The following TPST2 variants were observed in gnomAD, a reference collection of about 807,000 sequenced individuals.
TPST2 encodes the protein tyrosylprotein sulfotransferase 2.
In TPST2, 16 loss-of-function variants were observed where a neutral mutation model predicts 27.8. That is an observed-to-expected ratio of 0.58 (90% CI 0.39 to 0.88). The LOEUF (loss-of-function observed/expected upper bound fraction) is 0.88, where lower values mean the gene tolerates loss of function less well. Among genes scored for constraint, TPST2 ranks in the 40% least tolerant of loss-of-function variants. TPST2 has a pLI of 0.00. For synonymous variants in TPST2, 229 were observed against 231.7 expected, an observed-to-expected ratio of 0.99 and a Z score of 0.10; for missense variants, 464 against 543.1, an observed-to-expected ratio of 0.85 and a Z score of 1.45.
chr22:26,564,338 G>A (rs1927278318), intron 1 of TPST2, among the ~76,000 whole-genome samples: 1 of 152,262 alleles, frequency 6.6e-6, no homozygotes, highest in African/African-American at 2.4e-5. Context: ...GGAGGGAGCA[G>A]GCTTAGTGGG....
At chr22:26,530,116 G>A (rs188532272) in intron 5 of TPST2, among the ~76,000 whole-genome samples, 13 of 152,230 alleles carry the variant, frequency 8.5e-5, no homozygotes, top group Admixed American at 6.5e-4. Flanking sequence ...ATTTTTGCAC[G>A]TTGCCTTCGT....
chr22:26,541,219 G>A lies in TPST2; in HGVS notation c.412C>T (p.Gln138Ter). The A allele has an allele frequency of 1.3e-6, 2 of 1,564,832 alleles. No homozygotes were observed. Among genetic ancestry groups the A allele is most frequent in the Non-Finnish European group, 1.7e-6 (2 of 1,152,994 alleles). The stretch of plus-strand genomic sequence containing the variant: ...GCAATCACCTCCAGGATGAAGGCCT[G>A]CATGGCGGCGTCCAGCACCTCATCC... ...VTDEVLDAAM[Q>*]AFILEVIAKH... is the part of the protein sequence containing the mutation. The change falls in exon 3 of 7, where the codon CAG (glutamine) becomes TAG (stop). Residue 138 changes from glutamine to a stop codon, truncating the protein, a stop_gained. Transcript: ENST00000338754. LOFTEE classifies it high-confidence loss of function. The surrounding 1 kb of genome is among the most constrained non-coding windows in gnomAD (Gnocchi z 5.9).
Position 26,541,653 on chromosome 22 carries a change from CCTGGCCTGAG to C in TPST2, c.-33_-24del, listed in dbSNP as rs1925847543. 1 of 1,538,278 alleles carries C rather than the reference CCTGGCCTGAG, an allele frequency of 6.5e-7. No individual in the cohort carries two copies. Among genetic ancestry groups the C allele is most frequent in the Admixed American group, 2.0e-5 (1 of 50,742 alleles). ...CATGCTGGGCCGGAGGCAGGGTAGGCCTGGCCTGAGGGCCCGCTTCTGGGGCTTCAGCGAC... is the reference window on the plus strand; with the variant it reads ...CATGCTGGGCCGGAGGCAGGGTAGGCGGCCCGCTTCTGGGGCTTCAGCGAC... On this transcript the variant is annotated 5_prime_UTR_variant, in exon 3 of 7. Transcript: ENST00000338754. The surrounding 1 kb of genome is among the most constrained non-coding windows in gnomAD (Gnocchi z 5.9).
chr22:26,526,615 T>A (rs781208879), intron 6 of TPST2, among the ~76,000 whole-genome samples: 7 of 152,222 alleles, frequency 4.6e-5, no homozygotes, highest in African/African-American at 1.2e-4. Flanking sequence ...CTAAAGCACC[T>A]CTATATGGTA....
At chr22:26,555,290 A>G (rs367750295) in intron 1 of TPST2, 49 of 521,724 alleles carry the variant, frequency 9.4e-5, no homozygotes, top group African/African-American at 6.0e-4. Context: ...GACCGCAATT[A>G]CTTTTGCACC....
Position 26,549,157 on chromosome 22 carries a change from G to C in TPST2, c.-160-4482C>G, listed in dbSNP as rs968953398. Among the ~76,000 whole-genome samples, 18 of 152,314 alleles carry C rather than the reference G, an allele frequency of 1.2e-4. No homozygotes were observed. The East Asian group carries it at 3.3e-3, about 28-fold the overall frequency. On this transcript the variant is annotated intron_variant, in intron 1 of 6. Coordinates refer to ENST00000338754, the MANE Select transcript of TPST2 (RefSeq NM_003595.5). Reference sequence around the variant, plus strand: ...ATGTCGGAACAGCACCTGGCCCAGAGCAAGTGCTACCTGCCTGCTGGCTCT... The same window carrying C: ...ATGTCGGAACAGCACCTGGCCCAGACCAAGTGCTACCTGCCTGCTGGCTCT...
intron 1 of TPST2, among the ~76,000 whole-genome samples, chr22:26,552,548 G>C (rs185782985): frequency 1.3e-3 from 198 of 152,202 alleles, no homozygotes; most frequent in African/African-American, 4.5e-3. Context: ...CATCTCTCTT[G>C]GGGGTAGGCA....
rs967753028 is a variant in TPST2 at position 26,541,997 on chromosome 22, G to A, written c.-88-279C>T. 6.6e-6 allele frequency among the ~76,000 whole-genome samples: 1 copy of A among 152,062 alleles called. No homozygotes were observed. The highest frequency in any genetic ancestry group is 1.5e-5 in the Non-Finnish European group (1 of 68,018). On this transcript the variant is annotated intron_variant, in intron 2 of 6. Coordinates refer to ENST00000338754, the MANE Select transcript of TPST2 (RefSeq NM_003595.5). This position sits in a 1 kb window ranked among gnomAD's most constrained non-coding sequence, Gnocchi z 5.9. ...TGTCTCCCAAAGTGATGGGATTACAGGCATGAGCCACCCGGTCCAGCGGAT... is the reference window on the plus strand; with the variant it reads ...TGTCTCCCAAAGTGATGGGATTACAAGCATGAGCCACCCGGTCCAGCGGAT...
intron 1 of TPST2, chr22:26,560,890 T>C (rs1927052786): frequency 3.1e-6 from 5 of 1,597,860 alleles, no homozygotes; most frequent in South Asian, 1.1e-5. Flanking sequence ...GGCCTGTCCA[T>C]TGGTGATGTT....
At position 26,544,584 on chromosome 22, in the gene TPST2, T is replaced by G; in HGVS notation, c.-89+20A>C. On this transcript the variant is annotated intron_variant, in intron 2 of 6. Transcript: ENST00000338754. ...GGAGGGGCCAGGACTCCAGGGGAAGTTCCTTCTAGGTGCACTTACCTCCCT... is the reference window on the plus strand; with the variant it reads ...GGAGGGGCCAGGACTCCAGGGGAAGGTCCTTCTAGGTGCACTTACCTCCCT... 1.0e-6 allele frequency: 1 copy of G among 985,716 alleles called. No homozygotes were observed. Among genetic ancestry groups the G allele is most frequent in the South Asian group, 4.7e-5 (1 of 21,282 alleles). The allele number at this position is 985,716 out of a possible 1,614,324, so 61.1% of individuals were successfully genotyped here.
chr22:26,553,462 T>C (rs935722532), intron 1 of TPST2, among the ~76,000 whole-genome samples: 1 of 150,426 alleles, frequency 6.6e-6, no homozygotes, highest in African/African-American at 2.4e-5. Flanking sequence ...GCCTTGAAAC[T>C]CCTGGTCTCA....
intron 1 of TPST2, among the ~76,000 whole-genome samples, chr22:26,589,666 G>T (rs985251637): frequency 2.0e-5 from 3 of 152,248 alleles, no homozygotes; most frequent in South Asian, 4.1e-4. Context: ...CCGCCTGGGG[G>T]TCCCCGCGCG....
At chr22:26,570,060 AAAGAAGG>A in intron 1 of TPST2, among the ~76,000 whole-genome samples, 1 of 150,394 alleles carries the variant, frequency 6.6e-6, no homozygotes, top group Admixed American at 6.7e-5. Flanking sequence ...AGAAAGAAAG[AAAGAAGG>A]AAAGAAAGAA....
At chr22:26,583,555 C>CAAA (rs112444411) in intron 1 of TPST2, among the ~76,000 whole-genome samples, 1 of 138,038 alleles carries the variant, frequency 7.2e-6, no homozygotes, top group Non-Finnish European at 1.6e-5. Context: ...TGGAGCGTGT[C>CAAA]AAAAAAAAAA....
intron 1 of TPST2, among the ~76,000 whole-genome samples, chr22:26,578,892 C>T (rs1161827373): frequency 6.6e-6 from 1 of 150,616 alleles, no homozygotes; most frequent in Non-Finnish European, 1.5e-5. Context: ...CACTCTGTCA[C>T]CCAGGCTAGA....
In TPST2 at chr22:26,532,700, A is replaced by T; in HGVS notation, c.1087T>A (p.Phe363Ile). Residue 363 changes from phenylalanine (F) to isoleucine (I), a missense_variant, in exon 5 of 7, where the codon TTT (phenylalanine) becomes ATT (isoleucine). Physicochemically the swap from Phe to Ile is conservative, Grantham distance 21. Transcript: ENST00000338754. ...TTCCCCTTGGGGTTTCTAACCTGAA[A>T]ATATCCTTTCAGATTGGCTGGTGTT... is the stretch of plus-strand genomic sequence containing the variant. ...YKTPANLKGY[F>I]QVNQNSTSSH... 2 of 1,614,022 alleles carry T rather than the reference A, an allele frequency of 1.2e-6. No individual in the cohort carries two copies. Among genetic ancestry groups the T allele is most frequent in the Non-Finnish European group, 1.7e-6 (2 of 1,179,886 alleles).
At chr22:26,564,586 C>A (rs1305400546) in intron 1 of TPST2, among the ~76,000 whole-genome samples, 1 of 152,224 alleles carries the variant, frequency 6.6e-6, no homozygotes, top group African/African-American at 2.4e-5. Context: ...TAAAAATGGG[C>A]TCCTACCACT....
At position 26,552,976 on chromosome 22, in the gene TPST2, C is replaced by A. The variant is rs148553404; in HGVS notation, c.-160-8301G>T. On this transcript the variant is annotated intron_variant, in intron 1 of 6. Transcript: ENST00000338754. ...TCGAGAGCCTGAGGCAGGAGAACTG[C>A]TTGAACCCGGGAGGCGGAGGTTGCA... Among the ~76,000 whole-genome samples the A allele has an allele frequency of 1.2e-4, 18 of 145,094 alleles. No individual in the cohort carries two copies. In the East Asian group the frequency reaches 3.7e-3, roughly 29 times the overall value.
intron 3 of TPST2, among the ~76,000 whole-genome samples, chr22:26,540,225 T>G (rs189852350): frequency 6.6e-6 from 1 of 152,230 alleles, no homozygotes; most frequent in African/African-American, 2.4e-5. Flanking sequence ...GAGCTGAGGT[T>G]TGAACCCAGA....
Sources: gnomAD v4.1 joint callset for allele counts (sites outside exome capture counted in the v4.1 genomes callset) on GRCh38, gnomAD v4.1.1 for gene constraint, Gnocchi (gnomAD v3.1) non-coding constraint, MANE v1.5 for transcripts, NCBI Gene and HGNC (gene_info 2026-07-23, HGNC 2026-07-21) for gene names.